AFF4: variants seen among roughly 807,000 people sequenced by gnomAD.
The protein encoded by AFF4 is AF4/FMR2 family member 4.
A neutral mutation model predicts 124.8 loss-of-function variants in AFF4; 13 were observed. The ratio of observed to expected loss-of-function variants is 0.10; its 90% CI spans 0.07 to 0.17. The LOEUF is 0.17. AFF4 is among the 10% of genes least tolerant of loss of function. The pLI is 1.00. For synonymous variants in AFF4, 477 were observed against 496.1 expected (o/e 0.96, Z 0.51); for missense variants, 1,092 against 1,403.8 (o/e 0.78, Z 3.55).
chr5:132,963,216 G>GCGGCC lies in AFF4; in HGVS notation c.-5+38_-5+42dup, dbSNP rs552696287. The GCGGCC allele has an allele frequency of 3.4e-4, 133 of 387,484 alleles. No individual in the cohort carries two copies. The South Asian group carries it at 4.1e-3, about 12-fold the overall frequency. 24.0% of individuals were successfully genotyped at this position (387,484 alleles called of 1,614,324 possible). On this transcript the variant is annotated intron_variant, in intron 1 of 20. Transcript: ENST00000265343. ...CCACCCGGCCCCGGCCACAACCCCC[G>GCGGCC]CGGCCCGGCCCGGCCCTGGGTCAGT...
chr5:132,907,257 C>A (rs1249684971), intron 5 of AFF4, among the ~76,000 whole-genome samples: 1 of 152,112 alleles, frequency 6.6e-6, no homozygotes, highest in Non-Finnish European at 1.5e-5. Flanking sequence ...CTTCTACAGC[C>A]TGTAGAAGTT....
At chr5:132,913,394 A>T (rs1390994331) in intron 5 of AFF4, among the ~76,000 whole-genome samples, 2 of 152,246 alleles carry the variant, frequency 1.3e-5, no homozygotes, top group Non-Finnish European at 2.9e-5. Flanking sequence ...GAAGATTAGT[A>T]TAACACTATA....
intron 1 of AFF4, among the ~76,000 whole-genome samples, chr5:132,945,708 C>T (rs1320935563): frequency 1.3e-5 from 2 of 151,980 alleles, no homozygotes; most frequent in Non-Finnish European, 2.9e-5. Context: ...GCCAACACTG[C>T]ACCACTGCAC....
chr5:132,944,838 G>A (rs1000230019), intron 1 of AFF4: 3 of 151,240 alleles, frequency 2.0e-5, no homozygotes, highest in Admixed American at 6.6e-5. Flanking sequence ...GCTGAGGCAG[G>A]AGAATCACTT....
Position 132,892,197 on chromosome 5 carries a change from T to G in AFF4, c.2604A>C (p.Glu868Asp), listed in dbSNP as rs1231651346. 1 of 1,614,046 alleles carries G rather than the reference T, an allele frequency of 6.2e-7. No homozygotes were observed. The highest frequency in any genetic ancestry group is 1.3e-5 in the African/African-American group (1 of 74,938). Residue 868 changes from glutamate (E) to aspartate (D), a missense_variant, in exon 13 of 21, where the codon GAA (glutamate) becomes GAC (aspartate). By Grantham distance (45) the Glu-to-Asp change is conservative. This residue lies in a region of AFF4 where 293 missense variants were observed against 280.2 expected (regional missense o/e 1.05). Coordinates refer to ENST00000265343, the MANE Select transcript of AFF4 (RefSeq NM_014423.4). ...SSSTSKQKKT[E>D]GKTSSSSKEV... ...CCTTGGAGCTACTGGAAGTCTTCCC[T>G]TCGGTCTTCTTCTGCTTTGATGTGG...
intron 1 of AFF4, among the ~76,000 whole-genome samples, chr5:132,957,530 C>T (rs1761990694): frequency 6.6e-6 from 1 of 151,806 alleles, no homozygotes; most frequent in Non-Finnish European, 1.5e-5. Flanking sequence ...GTCAGGAGTT[C>T]GAGATCAGCC....
At chr5:132,935,170 G>A (rs1388975682) in intron 2 of AFF4, among the ~76,000 whole-genome samples, 3 of 151,752 alleles carry the variant, frequency 2.0e-5, no homozygotes, top group Non-Finnish European at 4.4e-5. Context: ...AATATAATCC[G>A]AGCACAGTGG....
chr5:132,896,323 CTTA>C lies in AFF4; in HGVS notation c.2304_2306del (p.His768_Lys769delinsGln), dbSNP rs1300664555. The C allele has an allele frequency of 1.9e-6, 3 of 1,583,324 alleles. No individual in the cohort carries two copies. The highest frequency in any genetic ancestry group is 2.6e-6 in the Non-Finnish European group (3 of 1,170,774). The stretch of plus-strand genomic sequence containing the variant: ...CAAACAACAAAAACCCTTCACAAAC[CTTA>C]TGCTTCCTCTTGCCTTTGTTGGAAA... On this transcript the variant is annotated inframe_deletion and splice_region_variant, in exon 11 of 21. Transcript: ENST00000265343.
chr5:132,904,228 GAAAA>G (rs763656407), intron 6 of AFF4, 136 bp downstream of exon 6: 3 of 525,340 alleles, frequency 5.7e-6, no homozygotes, highest in Non-Finnish European at 8.7e-6. Context: ...CTACACTCCA[GAAAA>G]AAAAAAAAAG....
intron 11 of AFF4, 144 bp downstream of exon 11, chr5:132,896,179 A>G: frequency 1.1e-6 from 1 of 901,760 alleles, no homozygotes; most frequent in Admixed American, 2.9e-5. Context: ...ACTGTTCCAC[A>G]TGTAGCCTCG....
intron 18 of AFF4, among the ~76,000 whole-genome samples, chr5:132,885,407 C>T (rs1326478598): frequency 7.6e-6 from 1 of 131,864 alleles, no homozygotes; most frequent in Admixed American, 9.9e-5. Flanking sequence ...CTCCCAGCTA[C>T]CTGGGAGTAG....
rs1167541790 is a variant in AFF4 at position 132,943,720 on chromosome 5, A to C, written c.-4-6527T>G. 3.8e-5 allele frequency: 11 copies of C among 291,860 alleles called. No homozygotes were observed. The East Asian group carries it at 8.8e-4, about 23-fold the overall frequency. The allele number at this position is 291,860 out of a possible 1,614,324, so 18.1% of individuals were successfully genotyped here. Reference sequence around the variant, plus strand: ...ATCTGTCAAAAATGTTCATCATGGCAATGTTGCTGGTGACAGGAAAAATGA... The same window carrying C: ...ATCTGTCAAAAATGTTCATCATGGCCATGTTGCTGGTGACAGGAAAAATGA... On this transcript the variant is annotated intron_variant, in intron 1 of 20. Coordinates refer to ENST00000265343, the MANE Select transcript of AFF4 (RefSeq NM_014423.4).
At position 132,879,592 on chromosome 5, in the gene AFF4, T is replaced by TC. The variant is rs1458971209; in HGVS notation, c.*1466dup. On this transcript the variant is annotated 3_prime_UTR_variant, in exon 21 of 21. Coordinates refer to ENST00000265343, the MANE Select transcript of AFF4 (RefSeq NM_014423.4). ...GACGATCTGGTCCTAGTGTAAAACT[T>TC]CATTTGTAAACAATCCATAGAGTCT... 4.8e-6 allele frequency: 1 copy of TC among 207,664 alleles called. No homozygotes were observed. The highest frequency in any genetic ancestry group is 2.3e-5 in the African/African-American group (1 of 43,998). The allele number at this position is 207,664 out of a possible 1,614,324, so 12.9% of individuals were successfully genotyped here.
At chr5:132,921,679 C>T (rs1761051172) in intron 5 of AFF4, among the ~76,000 whole-genome samples, 2 of 151,848 alleles carry the variant, frequency 1.3e-5, no homozygotes, top group Non-Finnish European at 2.9e-5. Context: ...GTTGGTCAGG[C>T]TGGTCTCAAA....
At chr5:132,929,323 T>C (rs1761250741) in intron 4 of AFF4, among the ~76,000 whole-genome samples, 1 of 152,182 alleles carries the variant, frequency 6.6e-6, no homozygotes, top group Admixed American at 6.5e-5. Flanking sequence ...ACCTATTAAC[T>C]AAAGGCCAAG....
intron 5 of AFF4, among the ~76,000 whole-genome samples, chr5:132,917,950 A>T: frequency 6.7e-6 from 1 of 150,132 alleles, no homozygotes; most frequent in East Asian, 2.0e-4. Flanking sequence ...TGAACTCCCG[A>T]CCTCAGGTGA....
chr5:132,904,440 A>G, intron 5 of AFF4, 36 bp from the exon 6 acceptor site: 1 of 1,561,436 alleles, frequency 6.4e-7, no homozygotes, highest in Non-Finnish European at 8.7e-7. Context: ...ACAAAGTTAC[A>G]CTAAAAAAGA....
chr5:132,941,070 T>C (rs1222403769), intron 1 of AFF4, among the ~76,000 whole-genome samples: 2 of 151,986 alleles, frequency 1.3e-5, no homozygotes, highest in East Asian at 1.9e-4. Context: ...ATACCAGTTA[T>C]AGTGCTTATT....
At chr5:132,918,191 G>A (rs1043560567) in intron 5 of AFF4, among the ~76,000 whole-genome samples, 10 of 151,754 alleles carry the variant, frequency 6.6e-5, no homozygotes, top group Admixed American at 5.9e-4. Flanking sequence ...CCAGGAGTTC[G>A]AGACTATCCT....
Sources: allele counts gnomAD v4.1 joint callset (sites outside exome capture counted in the v4.1 genomes callset), GRCh38; gene constraint gnomAD v4.1.1; regional missense constraint gnomAD v4.1.1; transcripts MANE v1.5; gene names NCBI Gene and HGNC (gene_info 2026-07-23, HGNC 2026-07-21).